The following TIAM1 variants were observed in gnomAD, a reference collection of about 807,000 sequenced individuals.
TIAM1 encodes the protein rho guanine nucleotide exchange factor TIAM1.
In TIAM1, 65 loss-of-function variants were observed where a neutral mutation model predicts 163.5. That is an observed-to-expected ratio of 0.40 (90% CI 0.33 to 0.49). The LOEUF (loss-of-function observed/expected upper bound fraction) is 0.49, where lower values mean the gene tolerates loss of function less well. Ranked by LOEUF, TIAM1 falls within the 20% of genes least tolerant of loss-of-function variation. The probability of loss-of-function intolerance (pLI) is 0.77; values close to 1 mark genes in which losing one functional copy is unlikely to be tolerated. For missense variants in TIAM1, 1,789 were observed against 2,044.7 expected (o/e 0.87, Z 2.41); for synonymous variants, 833 against 810.1 (o/e 1.03, Z -0.48).
At chr21:31,253,678 A>G (rs530704819) in intron 4 of TIAM1, among the ~76,000 whole-genome samples, 21 of 152,248 alleles carry the variant, frequency 1.4e-4, no homozygotes, top group African/African-American at 4.6e-4. Context: ...TGGAGCTTAG[A>G]CCCCTGGGAG....
chr21:31,499,242 C>T (rs2046768698), intron 1 of TIAM1, among the ~76,000 whole-genome samples: 2 of 152,020 alleles, frequency 1.3e-5, no homozygotes, highest in East Asian at 1.9e-4. Flanking sequence ...GAAGGAGACA[C>T]ATTTACACAT....
chr21:31,467,134 C>T (rs745790539), intron 1 of TIAM1, among the ~76,000 whole-genome samples: 3 of 152,188 alleles, frequency 2.0e-5, no homozygotes, highest in Non-Finnish European at 4.4e-5. Context: ...CTGACCCCAG[C>T]CTGGTCAACA....
intron 17 of TIAM1, 85 bp from the exon 18 acceptor site, chr21:31,153,219 G>T: frequency 8.9e-7 from 1 of 1,124,284 alleles, no homozygotes; most frequent in Non-Finnish European, 1.3e-6. Context: ...ATATGTTAAT[G>T]TCTATAAAAG....
intron 2 of TIAM1, among the ~76,000 whole-genome samples, chr21:31,309,552 C>G (rs1292267217): frequency 3.3e-5 from 5 of 152,194 alleles, no homozygotes; most frequent in African/African-American, 1.2e-4. Flanking sequence ...GGAAAAAAAT[C>G]TTTCAGCAGG....
intron 2 of TIAM1, among the ~76,000 whole-genome samples, chr21:31,394,728 T>TCACACACACA (rs71318270): frequency 3.6e-4 from 34 of 95,726 alleles, no homozygotes; most frequent in East Asian, 1.5e-3. Context: ...TCTCTCTCTC[T>TCACACACACA]CACACACACA....
intron 2 of TIAM1, among the ~76,000 whole-genome samples, chr21:31,350,325 A>G (rs996818723): frequency 3.3e-5 from 5 of 152,176 alleles, no homozygotes; most frequent in African/African-American, 4.8e-5. Flanking sequence ...TTATACTAAG[A>G]TACAGTAACT....
chr21:31,532,480 T>TAA (rs2048001625), intron 1 of TIAM1, among the ~76,000 whole-genome samples: 1 of 152,196 alleles, frequency 6.6e-6, no homozygotes, highest in Non-Finnish European at 1.5e-5. Context: ...CTTAGACTTT[T>TAA]AAAGGGGAGT....
At chr21:31,556,592 T>C (rs1188002962) in intron 1 of TIAM1, among the ~76,000 whole-genome samples, 1 of 149,398 alleles carries the variant, frequency 6.7e-6, no homozygotes, top group African/African-American at 2.4e-5. Flanking sequence ...GATCTGATTA[T>C]GGACTGTTAT....
chr21:31,428,840 G>A (rs780568585), intron 2 of TIAM1, among the ~76,000 whole-genome samples: 14 of 150,622 alleles, frequency 9.3e-5, no homozygotes, highest in Non-Finnish European at 1.6e-4. Flanking sequence ...CTGAGATCAC[G>A]CCACTGTACT....
intron 2 of TIAM1, among the ~76,000 whole-genome samples, chr21:31,433,049 T>C (rs763525648): frequency 5.3e-5 from 8 of 152,308 alleles, no homozygotes; most frequent in Middle Eastern, 6.8e-3. Flanking sequence ...TTATCCAACA[T>C]TGAAGTAATG....
intron 1 of TIAM1, among the ~76,000 whole-genome samples, chr21:31,484,694 G>C (rs113325929): frequency 6.2e-4 from 94 of 152,292 alleles, no homozygotes; most frequent in African/African-American, 2.0e-3. Context: ...GGAGGCCTGA[G>C]AGACTTTCTA....
At chr21:31,468,655 T>A (rs1204033713) in intron 1 of TIAM1, among the ~76,000 whole-genome samples, 3 of 147,964 alleles carry the variant, frequency 2.0e-5, no homozygotes, top group Admixed American at 1.3e-4. Flanking sequence ...GGGTGCCTGT[T>A]GTCCCAGTGA....
intron 11 of TIAM1, 119 bp from the exon 12 acceptor site, chr21:31,203,131 T>C: frequency 1.1e-6 from 1 of 890,316 alleles, no homozygotes; most frequent in South Asian, 1.6e-5. Context: ...TTGTTGTTGT[T>C]GTTGTTTTGA....
intron 2 of TIAM1, among the ~76,000 whole-genome samples, chr21:31,397,577 C>T (rs764474639): frequency 1.5e-4 from 23 of 152,158 alleles, no homozygotes; most frequent in East Asian, 5.8e-4. Context: ...AATATCCCCG[C>T]GCCAGAAATG....
At chr21:31,198,113 A>C (rs957705230) in intron 12 of TIAM1, among the ~76,000 whole-genome samples, 38 of 152,356 alleles carry the variant, frequency 2.5e-4, no homozygotes, top group African/African-American at 8.4e-4. Context: ...ATAACAAAAA[A>C]CGTGGCCGTT....
At chr21:31,437,499 T>C (rs1277759113) in intron 2 of TIAM1, among the ~76,000 whole-genome samples, 1 of 95,084 alleles carries the variant, frequency 1.1e-5, no homozygotes, top group East Asian at 3.0e-4. Context: ...AGAGACCCTG[T>C]CTCAAAAAAA....
At chr21:31,259,374 C>T (rs1298292074) in intron 4 of TIAM1, among the ~76,000 whole-genome samples, 2 of 151,848 alleles carry the variant, frequency 1.3e-5, no homozygotes, top group African/African-American at 2.4e-5. Context: ...TGAGCTCAAG[C>T]GATCCTCCCA....
At chr21:31,543,939 A>G (rs2048402426) in intron 1 of TIAM1, among the ~76,000 whole-genome samples, 2 of 152,194 alleles carry the variant, frequency 1.3e-5, no homozygotes, top group South Asian at 4.1e-4. Context: ...GACCCAGCAC[A>G]GTGGCTCACG....
chr21:31,466,677 G>A (rs1447360922), intron 1 of TIAM1, among the ~76,000 whole-genome samples: 4 of 152,160 alleles, frequency 2.6e-5, no homozygotes, highest in Non-Finnish European at 5.9e-5. Flanking sequence ...GTCCTGGCCC[G>A]AAGCTCAGTG....
Sources: allele counts gnomAD v4.1 joint callset (sites outside exome capture counted in the v4.1 genomes callset), GRCh38; gene constraint gnomAD v4.1.1; transcripts MANE v1.5; gene names NCBI Gene and HGNC (gene_info 2026-07-23, HGNC 2026-07-21).